The following SPATA6L variants were observed in gnomAD, a reference collection of about 807,000 sequenced individuals.
The protein encoded by SPATA6L is spermatogenesis associated 6-like protein.
SPATA6L carries 68 observed loss-of-function variants against 49.2 expected under a neutral mutation model. The observed-to-expected ratio is 1.38, with a 90% CI of 1.14 to 1.69. The LOEUF is 1.69. SPATA6L is among the 40% of genes most tolerant of loss of function. The pLI, the probability that SPATA6L is intolerant of heterozygous loss-of-function variation, is 0.00. For synonymous variants in SPATA6L, 198 were observed against 165.7 expected (o/e 1.19, Z -1.50); for missense variants, 668 against 464.3 (o/e 1.44, Z -4.03).
chr9:4,644,229 G>A lies in SPATA6L; in HGVS notation c.227-8830C>T, dbSNP rs960539633. 2.1e-5 allele frequency among the ~76,000 whole-genome samples: 3 copies of A among 145,026 alleles called. No individual in the cohort carries two copies. In the East Asian group the frequency reaches 6.1e-4, roughly 29 times the overall value. On this transcript the variant is annotated intron_variant, in intron 3 of 11. Transcript: ENST00000682582. ...AAAAAAAAAAAAAAAATGTAGCTGG[G>A]CATGGTGCATGCCTGTAGTTCCAGC...
chr9:4,646,854 T>A (rs1213149765), intron 3 of SPATA6L, among the ~76,000 whole-genome samples: 1 of 152,050 alleles, frequency 6.6e-6, no homozygotes, highest in Non-Finnish European at 1.5e-5. Flanking sequence ...CACTTAAAAA[T>A]GGGAGTTAAA....
At chr9:4,665,014 G>A (rs1439812002) in intron 1 of SPATA6L, 1 of 167,102 alleles carries the variant, frequency 6.0e-6, no homozygotes, top group Non-Finnish European at 1.5e-5. Flanking sequence ...TCCTCTTGCA[G>A]TGTCCACAAA....
intron 9 of SPATA6L, among the ~76,000 whole-genome samples, chr9:4,614,582 A>G (rs1827535888): frequency 6.6e-6 from 1 of 152,188 alleles, no homozygotes; most frequent in South Asian, 2.1e-4. Flanking sequence ...CACATCCCTC[A>G]TTCAAAAGAA....
chr9:4,630,262 C>A (rs1831253949), intron 4 of SPATA6L, among the ~76,000 whole-genome samples: 1 of 152,042 alleles, frequency 6.6e-6, no homozygotes, highest in Non-Finnish European at 1.5e-5. Context: ...AATTCATAGA[C>A]CTGTAGACCA....
At chr9:4,651,744 T>G (rs555666574) in intron 3 of SPATA6L, among the ~76,000 whole-genome samples, 1 of 152,150 alleles carries the variant, frequency 6.6e-6, no homozygotes, top group East Asian at 1.9e-4. Context: ...TGTGATAAAA[T>G]TCAACATTAC....
chr9:4,592,772 A>T (rs998496471), intron 13 of SPATA6L, among the ~76,000 whole-genome samples: 1 of 152,236 alleles, frequency 6.6e-6, no homozygotes, highest in African/African-American at 2.4e-5. Context: ...TGTTCTTATC[A>T]TATCCCCCAA....
chr9:4,605,437 G>C lies in SPATA6L; in HGVS notation c.999C>G (p.Phe333Leu). 1 of 1,613,156 alleles carries C rather than the reference G, an allele frequency of 6.2e-7. No homozygotes were observed. The highest frequency in any genetic ancestry group is 8.5e-7 in the Non-Finnish European group (1 of 1,179,112). The change falls in exon 10 of 12, where the codon TTC (phenylalanine) becomes TTG (leucine). Residue 333 changes from phenylalanine to leucine, a missense_variant. By Grantham distance (22) the Phe-to-Leu change is conservative. Transcript: ENST00000682582. The part of the protein sequence containing the change: ...PLDQPLLRER[F>L]HPGSQSTWKN... ...TCCATGTGGACTGAGAACCAGGATG[G>C]AACCTGCTCAACAGATGGAACAGGG...
Position 4,634,008 on chromosome 9 carries a change from A to G in SPATA6L, c.351+1267T>C, listed in dbSNP as rs1832228238. ...CTAATGACTAACTGCATTTATAAAT[A>G]ACTATAAATACAACCTCCTATAGGT... is the stretch of plus-strand genomic sequence containing the variant. On this transcript the variant is annotated intron_variant, in intron 4 of 11. Coordinates refer to ENST00000682582, the MANE Select transcript of SPATA6L (RefSeq NM_001353486.2). Among the ~76,000 whole-genome samples, 3 of 152,368 alleles carry G rather than the reference A, an allele frequency of 2.0e-5. No homozygotes were observed. In the South Asian group the frequency reaches 6.2e-4, roughly 32 times the overall value.
intron 3 of SPATA6L, among the ~76,000 whole-genome samples, chr9:4,650,738 C>G (rs796940010): frequency 1.3e-5 from 2 of 152,184 alleles, no homozygotes; most frequent in African/African-American, 4.8e-5. Flanking sequence ...CAGTTCACTG[C>G]CACCTCTGCC....
intron 9 of SPATA6L, among the ~76,000 whole-genome samples, chr9:4,611,999 C>T (rs1299229545): frequency 2.6e-5 from 4 of 151,446 alleles, no homozygotes; most frequent in Admixed American, 2.6e-4. Flanking sequence ...GTACATGTTG[C>T]CATGCCTGGC....
At chr9:4,650,299 T>C (rs1237267610) in intron 3 of SPATA6L, among the ~76,000 whole-genome samples, 1 of 152,228 alleles carries the variant, frequency 6.6e-6, no homozygotes, top group Non-Finnish European at 1.5e-5. Flanking sequence ...ATCTGTGACC[T>C]TGGTCCTAAT....
intron 9 of SPATA6L, among the ~76,000 whole-genome samples, chr9:4,611,975 A>G (rs1158440403): frequency 4.6e-5 from 7 of 151,988 alleles, no homozygotes; most frequent in Non-Finnish European, 8.8e-5. Context: ...TCCCAGGTAG[A>G]GAGGACCAAC....
At chr9:4,610,378 A>G (rs201692731) in intron 9 of SPATA6L, among the ~76,000 whole-genome samples, 9,229 of 145,216 alleles carry the variant, frequency 0.064, 429 homozygotes, top group East Asian at 0.29. Context: ...GAGGCATCAC[A>G]CTACCTGACT....
chr9:4,598,018 C>A (rs1246949259), downstream of SPATA6L, among the ~76,000 whole-genome samples: 2 of 152,190 alleles, frequency 1.3e-5, no homozygotes, highest in Admixed American at 6.5e-5. Flanking sequence ...CTAAAACCCG[C>A]CACCTCTTTT....
intron 13 of SPATA6L, among the ~76,000 whole-genome samples, chr9:4,591,798 G>A (rs1265327579): frequency 6.6e-6 from 1 of 152,196 alleles, no homozygotes; most frequent in East Asian, 1.9e-4. Flanking sequence ...TATTTAGTCT[G>A]CTTTTCTCAC....
At chr9:4,604,844 C>A (rs1162374452) in intron 10 of SPATA6L, among the ~76,000 whole-genome samples, 1 of 152,168 alleles carries the variant, frequency 6.6e-6, no homozygotes, top group African/African-American at 2.4e-5. Flanking sequence ...TGACAAAGTA[C>A]TGGGAATACC....
intron 9 of SPATA6L, among the ~76,000 whole-genome samples, chr9:4,608,994 A>G (rs867853977): frequency 1.3e-5 from 2 of 151,808 alleles, no homozygotes; most frequent in Admixed American, 6.5e-5. Flanking sequence ...AATACAAACT[A>G]CCATCAGAGA....
intron 10 of SPATA6L, among the ~76,000 whole-genome samples, 189 bp from the exon 11 acceptor site, chr9:4,604,458 G>A (rs1473628760): frequency 6.6e-6 from 1 of 152,024 alleles, no homozygotes; most frequent in Admixed American, 6.6e-5. Flanking sequence ...ATGTTGCCAG[G>A]CTGGTCTTGA....
chr9:4,594,316 T>C (rs1440088970), downstream of SPATA6L, among the ~76,000 whole-genome samples: 4 of 152,156 alleles, frequency 2.6e-5, no homozygotes, highest in Non-Finnish European at 4.4e-5. Context: ...TTCATGCCAT[T>C]CTCCTGCCTC....
Sources: gnomAD v4.1 joint callset for allele counts (sites outside exome capture counted in the v4.1 genomes callset) on GRCh38, gnomAD v4.1.1 for gene constraint, MANE v1.5 for transcripts, NCBI Gene and HGNC (gene_info 2026-07-23, HGNC 2026-07-21) for gene names.